FNDC3A: variants seen among roughly 807,000 people sequenced by gnomAD.
FNDC3A encodes the protein fibronectin type III domain containing 3A, also known as fibronectin type-III domain-containing protein 3A.
A neutral mutation model predicts 148.9 loss-of-function variants in FNDC3A; 32 were observed. The ratio of observed to expected loss-of-function variants is 0.21; its 90% CI spans 0.16 to 0.29. FNDC3A has a LOEUF of 0.29. Ranked by LOEUF, FNDC3A falls within the 10% of genes least tolerant of loss-of-function variation. FNDC3A has a pLI of 1.00. For synonymous variants in FNDC3A, 472 were observed against 473.6 expected (o/e 1.00, Z 0.04); for missense variants, 1,191 against 1,452.8 (o/e 0.82, Z 2.93).
At position 49,087,152 on chromosome 13, in the gene FNDC3A, C is replaced by A. The variant is rs546493751; in HGVS notation, c.175+11788C>A. ...GCAAAATATCACTGTTATAGTTAGT[C>A]TCTTGGAAGTATAAAATCTAAGCCA... On this transcript the variant is annotated intron_variant, in intron 3 of 25. Coordinates refer to ENST00000492622, the MANE Select transcript of FNDC3A (RefSeq NM_001079673.2). 3.3e-5 allele frequency among the ~76,000 whole-genome samples: 5 copies of A among 152,006 alleles called. 1 individual carries two copies. The highest frequency in any genetic ancestry group is 1.2e-4 in the African/African-American group (5 of 41,410).
At chr13:49,183,278 C>T (rs1885396503) in intron 14 of FNDC3A, among the ~76,000 whole-genome samples, 1 of 152,208 alleles carries the variant, frequency 6.6e-6, no homozygotes, top group African/African-American at 2.4e-5. Flanking sequence ...TTCCATTTCC[C>T]TTTTCAAAGC....
At chr13:49,110,283 T>A in intron 3 of FNDC3A, 2 of 1,474,134 alleles carry the variant, frequency 1.4e-6, no homozygotes, top group Non-Finnish European at 1.8e-6. Context: ...AAAGGATCTT[T>A]TCCTCTTACA....
At position 49,068,399 on chromosome 13, in the gene FNDC3A, AAAC is replaced by A. The variant is rs566499241; in HGVS notation, c.100-6888_100-6886del. Among the ~76,000 whole-genome samples the A allele has an allele frequency of 7.7e-3, 1,175 of 152,240 alleles. 3 individuals carry two copies. Among genetic ancestry groups the A allele is most frequent in the Non-Finnish European group, 0.012 (844 of 68,022 alleles). The stretch of plus-strand genomic sequence containing the variant: ...TTAATTAATTAATTAAATTAAATAA[AAAC>A]AGTTGTTGGATCACAAAGGAGATCA... On this transcript the variant is annotated intron_variant, in intron 2 of 25. Transcript: ENST00000492622.
At chr13:49,190,945 C>A in intron 17 of FNDC3A, 70 bp from the exon 18 acceptor site, 1 of 977,146 alleles carries the variant, frequency 1.0e-6, no homozygotes, top group Non-Finnish European at 1.6e-6. Context: ...TATTATTTTT[C>A]CTTACCAAAA....
chr13:49,140,335 C>G (rs1379062334), intron 7 of FNDC3A, among the ~76,000 whole-genome samples: 1 of 151,882 alleles, frequency 6.6e-6, no homozygotes, highest in Non-Finnish European at 1.5e-5. Context: ...GAACCTGTCT[C>G]ATAAATAAAT....
chr13:49,083,672 C>T (rs950100311), intron 3 of FNDC3A, among the ~76,000 whole-genome samples: 4 of 152,142 alleles, frequency 2.6e-5, no homozygotes, highest in Non-Finnish European at 4.4e-5. Flanking sequence ...CCACCCGCCT[C>T]GGCCTCCCAA....
At chr13:49,054,917 A>T (rs1876115239) in intron 2 of FNDC3A, among the ~76,000 whole-genome samples, 1 of 148,804 alleles carries the variant, frequency 6.7e-6, no homozygotes, top group Non-Finnish European at 1.5e-5. Context: ...CTCTTTTTCT[A>T]CTTCATTTGT....
intron 2 of FNDC3A, among the ~76,000 whole-genome samples, chr13:49,069,705 C>T (rs1877516717): frequency 6.6e-6 from 1 of 152,206 alleles, no homozygotes; most frequent in Non-Finnish European, 1.5e-5. Context: ...TAGCATTTTA[C>T]TGCCCCTATT....
At chr13:49,122,529 T>G (rs189805088) in intron 4 of FNDC3A, among the ~76,000 whole-genome samples, 3 of 151,960 alleles carry the variant, frequency 2.0e-5, no homozygotes, top group Non-Finnish European at 2.9e-5. Flanking sequence ...AATAAAGAGT[T>G]TTCAAATAGG....
chr13:49,100,644 T>C (rs1203380386), intron 3 of FNDC3A, among the ~76,000 whole-genome samples: 3 of 152,200 alleles, frequency 2.0e-5, no homozygotes, highest in African/African-American at 4.8e-5. Flanking sequence ...CAATATAGGA[T>C]AGACTTCCTT....
upstream of FNDC3A, chr13:48,975,841 GGGGTCCCGGCCGCGGGCTCCGTCGGC>G (rs1391890932): frequency 6.6e-6 from 1 of 151,528 alleles, no homozygotes; most frequent in Non-Finnish European, 1.5e-5. Context: ...GCGGGGGTTC[GGGGTCCCGGCCGCGGGCTCCGTCGGC>G]GGGGCCCGCG....
chr13:49,191,221 T>C lies in FNDC3A; in HGVS notation c.2063T>C (p.Val688Ala). The C allele has an allele frequency of 6.2e-7, 1 of 1,609,278 alleles. No homozygotes were observed. The highest frequency in any genetic ancestry group is 2.2e-5 in the East Asian group (1 of 44,836). Residue 688 changes from valine (V) to alanine (A), a missense_variant, in exon 19 of 26, where the codon GTT (valine) becomes GCT (alanine). Physicochemically the swap from Val to Ala is moderately conservative, Grantham distance 64 (BLOSUM62 0). Coordinates refer to ENST00000492622, the MANE Select transcript of FNDC3A (RefSeq NM_001079673.2). The stretch of plus-strand genomic sequence containing the variant: ...TTCCATCTTTTAGGACCCCCTCTGG[T>C]TGATGGTGGATCACCCATTTCCTGT... ...EIQLRWGPPL[V>A]DGGSPISCYS...
intron 8 of FNDC3A, among the ~76,000 whole-genome samples, chr13:49,162,022 C>T (rs188728962): frequency 1.3e-5 from 2 of 152,298 alleles, no homozygotes; most frequent in South Asian, 4.2e-4. Flanking sequence ...CGACCTTTCT[C>T]TCTGGCTGCC....
At chr13:49,027,875 A>C (rs1273608178) in intron 2 of FNDC3A, among the ~76,000 whole-genome samples, 1 of 152,208 alleles carries the variant, frequency 6.6e-6, no homozygotes, top group Non-Finnish European at 1.5e-5. Context: ...AGTGCATTGC[A>C]TCTAAATGGA....
intron 2 of FNDC3A, among the ~76,000 whole-genome samples, chr13:49,016,835 A>C (rs1051772566): frequency 2.6e-5 from 4 of 151,564 alleles, no homozygotes; most frequent in African/African-American, 7.3e-5. Context: ...GAACATCTTT[A>C]TTTCTGCCTT....
At position 49,115,183 on chromosome 13, in the gene FNDC3A, A is replaced by AG. The variant is rs11353117; in HGVS notation, c.252+463dup. ...AAGAGTTTAGCAACCCTGAGGGATG[A>AG]GGGGGGGGGGGAAATAAAAAAAAAA... On this transcript the variant is annotated intron_variant, in intron 4 of 25. Coordinates refer to ENST00000492622, the MANE Select transcript of FNDC3A (RefSeq NM_001079673.2). Among the ~76,000 whole-genome samples, 216 of 133,798 alleles carry AG rather than the reference A, an allele frequency of 1.6e-3. 1 individual carries two copies. In the East Asian group the frequency reaches 0.029, roughly 18 times the overall value. The allele number at this position is 133,798 out of a possible 152,430, so 87.8% of individuals were successfully genotyped here. A position where few individuals can be genotyped will look rare whatever the true frequency, so the allele number is the denominator to read the frequency against.
chr13:49,068,617 C>T (rs898170263), intron 2 of FNDC3A, among the ~76,000 whole-genome samples: 1 of 152,096 alleles, frequency 6.6e-6, no homozygotes, highest in African/African-American at 2.4e-5. Flanking sequence ...CATTCATTGC[C>T]ACACTATTCA....
intron 5 of FNDC3A, 56 bp downstream of exon 5, chr13:49,131,430 A>G (rs1249425467): frequency 3.3e-6 from 4 of 1,202,322 alleles, no homozygotes; most frequent in Non-Finnish European, 3.7e-6. Context: ...TCGCTTGGAT[A>G]TAATAGATGC....
chr13:49,086,910 T>C (rs1878851498), intron 3 of FNDC3A, among the ~76,000 whole-genome samples: 1 of 152,050 alleles, frequency 6.6e-6, no homozygotes, highest in East Asian at 1.9e-4. Flanking sequence ...AGATCATCCA[T>C]TCATAAATTC....
Sources: allele counts gnomAD v4.1 joint callset (sites outside exome capture counted in the v4.1 genomes callset), GRCh38; gene constraint gnomAD v4.1.1; transcripts MANE v1.5; gene names NCBI Gene and HGNC (gene_info 2026-07-23, HGNC 2026-07-21).